The following NUAK2 variants were observed in gnomAD, a reference collection of about 807,000 sequenced individuals.
NUAK2 encodes the protein NUAK family SNF1-like kinase 2.
Under a neutral mutation model 29.8 loss-of-function variants are expected in NUAK2, and 20 were observed. That is an observed-to-expected ratio of 0.67 (90% CI 0.47 to 0.98). The LOEUF (loss-of-function observed/expected upper bound fraction) is 0.98. Among genes scored for constraint, NUAK2 ranks in the 50% least tolerant of loss-of-function variants. The probability of loss-of-function intolerance (pLI) is 0.00; values close to 1 mark genes in which losing one functional copy is unlikely to be tolerated. For synonymous variants in NUAK2, 331 were observed against 342.6 expected (o/e 0.97, Z 0.37); for missense variants, 719 against 834.5 (o/e 0.86, Z 1.71).
chr1:205,311,520 G>T (rs1662257219), intron 2 of NUAK2, among the ~76,000 whole-genome samples, 185 bp downstream of exon 2: 1 of 152,218 alleles, frequency 6.6e-6, no homozygotes. Flanking sequence ...GAGGCCCAGA[G>T]ACTAAATTCA....
rs1662123047 is a variant in NUAK2 at position 205,303,649 on chromosome 1, A to C, written c.1688T>G (p.Leu563Arg). ...SFDQLDLPERLPEPPLRGCVS... is the reference protein window; with the variant it reads ...SFDQLDLPERRPEPPLRGCVS... ...ACAGCCCCGCAGTGGGGGCTCTGGG[A>C]GCCGTTCAGGCAAGTCCAGCTGGTC... The change falls in exon 7 of 7, where the codon CTC (leucine) becomes CGC (arginine). Residue 563 changes from leucine to arginine, a missense_variant. Leu to Arg is a moderately radical substitution (Grantham distance 102, BLOSUM62 -2). Coordinates refer to ENST00000367157, the MANE Select transcript of NUAK2 (RefSeq NM_030952.3). 6.3e-7 allele frequency: 1 copy of C among 1,586,632 alleles called. No individual in the cohort carries two copies. Among genetic ancestry groups the C allele is most frequent in the Admixed American group, 1.8e-5 (1 of 55,318 alleles).
rs573822141 is a variant in NUAK2 at position 205,316,990 on chromosome 1, A to G, written c.231+4408T>C. ...AAGGATGGTGCCTGGAGAAGCTTCC[A>G]TCTCAGCCATAGAGATTTCCCTGCC... is the stretch of plus-strand genomic sequence containing the variant. On this transcript the variant is annotated intron_variant, in intron 1 of 6. Transcript: ENST00000367157. Among the ~76,000 whole-genome samples the G allele has an allele frequency of 1.1e-4, 17 of 152,304 alleles. No homozygotes were observed. The East Asian group carries it at 2.1e-3, about 19-fold the overall frequency.
intron 1 of NUAK2, among the ~76,000 whole-genome samples, chr1:205,317,643 C>G (rs1210795134): frequency 6.6e-6 from 1 of 152,202 alleles, no homozygotes; most frequent in East Asian, 1.9e-4. Context: ...GCCCAGCCTT[C>G]TTGTGTGGTT....
Position 205,311,729 on chromosome 1 carries a change from G to T in NUAK2, c.328C>A (p.Pro110Thr). Reference sequence around the variant, plus strand: ...CCTTCATGGATGGCAATGATGTGAGGGTGGTTGAGTGATGACATGATCTCA... The same window carrying T: ...CCTTCATGGATGGCAATGATGTGAGTGTGGTTGAGTGATGACATGATCTCA... ...EIEIMSSLNH[P>T]HIIAIHEVFE... The change falls in exon 2 of 7, where the codon CCT (proline) becomes ACT (threonine). Residue 110 changes from proline to threonine, a missense_variant. This residue lies in a region of NUAK2 where 283 missense variants were observed against 345.6 expected (regional missense o/e 0.82). Coordinates refer to ENST00000367157, the MANE Select transcript of NUAK2 (RefSeq NM_030952.3). 4 of 1,614,180 alleles carry T rather than the reference G, an allele frequency of 2.5e-6. No homozygotes were observed. Among genetic ancestry groups the T allele is most frequent in the Non-Finnish European group, 3.4e-6 (4 of 1,180,022 alleles).
intron 1 of NUAK2, among the ~76,000 whole-genome samples, chr1:205,312,203 C>A (rs148645750): frequency 2.6e-5 from 4 of 152,344 alleles, no homozygotes; most frequent in African/African-American, 2.4e-5. Context: ...CCACTGAATT[C>A]TTGATGCTGA....
Position 205,321,393 on chromosome 1 carries a change from C to T in NUAK2, c.231+5G>A. On this transcript the variant is annotated splice_donor_5th_base_variant and intron_variant, in intron 1 of 6. Coordinates refer to ENST00000367157, the MANE Select transcript of NUAK2 (RefSeq NM_030952.3). ...CCCCGCGCCGCGAGAGGGAGCCGCA[C>T]TCACCAGGCGCCCCGAGCTCTCCCG... 2 of 1,612,052 alleles carry T rather than the reference C, an allele frequency of 1.2e-6. No homozygotes were observed. Among genetic ancestry groups the T allele is most frequent in the Non-Finnish European group, 1.7e-6 (2 of 1,179,122 alleles).
At chr1:205,307,355 C>T (rs998181246) in intron 4 of NUAK2, among the ~76,000 whole-genome samples, 11 of 152,138 alleles carry the variant, frequency 7.2e-5, no homozygotes, top group South Asian at 2.1e-4. Flanking sequence ...CCTGATTATG[C>T]GGGTTTACTG....
chr1:205,306,167 C>G, intron 5 of NUAK2, 21 bp downstream of exon 5: 5 of 1,584,914 alleles, frequency 3.2e-6, no homozygotes, highest in Non-Finnish European at 4.3e-6. Flanking sequence ...GGCAGGCTGG[C>G]AGGGGAGGGT....
At chr1:205,316,008 A>G (rs1253983504) in intron 1 of NUAK2, among the ~76,000 whole-genome samples, 2 of 152,142 alleles carry the variant, frequency 1.3e-5, no homozygotes, top group African/African-American at 2.4e-5. Context: ...TGCCCCTTTT[A>G]CTCTCCAAAG....
chr1:205,312,141 A>T (rs1258709867), intron 1 of NUAK2, among the ~76,000 whole-genome samples: 1 of 152,250 alleles, frequency 6.6e-6, no homozygotes, highest in African/African-American at 2.4e-5. Flanking sequence ...TGAATTATAA[A>T]GCAAACGTGC....
intron 2 of NUAK2, 45 bp downstream of exon 2, chr1:205,311,660 C>G (rs1383366292): frequency 6.2e-7 from 1 of 1,610,676 alleles, no homozygotes; most frequent in Admixed American, 1.7e-5. Flanking sequence ...CACACACATG[C>G]ACACACATAG....
In NUAK2 at chr1:205,302,699, C is replaced by T. The variant is rs1662098359; in HGVS notation, c.*751G>A. 6.6e-6 allele frequency: 1 copy of T among 152,084 alleles called. No individual in the cohort carries two copies. The highest frequency in any genetic ancestry group is 2.4e-5 in the African/African-American group (1 of 41,374). The allele number at this position is 152,084 out of a possible 1,614,324, so 9.4% of individuals were successfully genotyped here. ...CTGAGGTCGGGAGTTTGAGACCAGCCTGACCAACATGGAGAAACCCTGTCT... is the reference window on the plus strand; with the variant it reads ...CTGAGGTCGGGAGTTTGAGACCAGCTTGACCAACATGGAGAAACCCTGTCT... On this transcript the variant is annotated 3_prime_UTR_variant, in exon 7 of 7. Coordinates refer to ENST00000367157, the MANE Select transcript of NUAK2 (RefSeq NM_030952.3).
intron 1 of NUAK2, among the ~76,000 whole-genome samples, chr1:205,317,425 G>A (rs1662344088): frequency 6.6e-6 from 1 of 152,210 alleles, no homozygotes; most frequent in Non-Finnish European, 1.5e-5. Flanking sequence ...TTAGATAACG[G>A]AGGAGAGGTT....
chr1:205,309,225 C>T (rs1289886893), intron 2 of NUAK2, among the ~76,000 whole-genome samples: 2 of 152,104 alleles, frequency 1.3e-5, no homozygotes, highest in African/African-American at 4.8e-5. Flanking sequence ...CCTCACAGGG[C>T]TGGGGTGAGA....
At position 205,311,734 on chromosome 1, in the gene NUAK2, T is replaced by A; in HGVS notation, c.323A>T (p.Asn108Ile). 1 of 1,614,192 alleles carries A rather than the reference T, an allele frequency of 6.2e-7. No homozygotes were observed. The highest frequency in any genetic ancestry group is 8.5e-7 in the Non-Finnish European group (1 of 1,180,028). Reference sequence around the variant, plus strand: ...ATGGATGGCAATGATGTGAGGGTGGTTGAGTGATGACATGATCTCAATCTC... The same window carrying A: ...ATGGATGGCAATGATGTGAGGGTGGATGAGTGATGACATGATCTCAATCTC... ...RREIEIMSSL[N>I]HPHIIAIHEV... Residue 108 changes from asparagine (N) to isoleucine (I), a missense_variant, in exon 2 of 7, where the codon AAC becomes ATC. Coordinates refer to ENST00000367157, the MANE Select transcript of NUAK2 (RefSeq NM_030952.3).
chr1:205,308,362 T>C lies in NUAK2; in HGVS notation c.505-132A>G. 1 of 794,964 alleles carries C rather than the reference T, an allele frequency of 1.3e-6. No homozygotes were observed. Among genetic ancestry groups the C allele is most frequent in the Non-Finnish European group, 2.0e-6 (1 of 491,900 alleles). 49.2% of individuals were successfully genotyped at this position (794,964 alleles called of 1,614,324 possible). A position where few individuals can be genotyped will look rare whatever the true frequency, so the allele number is the denominator to read the frequency against. ...AGCACAGGTAGGCTGGGAATGCCTA[T>C]CTTTATCGGTATGTGCTGCAAGAAA... is the stretch of plus-strand genomic sequence containing the variant. On this transcript the variant is annotated intron_variant, in intron 3 of 6. Coordinates refer to ENST00000367157, the MANE Select transcript of NUAK2 (RefSeq NM_030952.3). The surrounding 1 kb of genome is among the most constrained non-coding windows in gnomAD (Gnocchi z 4.1).
chr1:205,317,755 C>A (rs781431125), intron 1 of NUAK2, among the ~76,000 whole-genome samples: 2 of 152,202 alleles, frequency 1.3e-5, no homozygotes, highest in African/African-American at 2.4e-5. Context: ...CCAAGCAAGC[C>A]CTTGGCAGCC....
chr1:205,317,333 C>G (rs1420860622), intron 1 of NUAK2, among the ~76,000 whole-genome samples: 1 of 152,218 alleles, frequency 6.6e-6, no homozygotes, highest in Non-Finnish European at 1.5e-5. Flanking sequence ...AGAGCTGGAG[C>G]CAAGATCCTT....
At chr1:205,321,169 C>T (rs1662410806) in intron 1 of NUAK2, among the ~76,000 whole-genome samples, 1 of 152,236 alleles carries the variant, frequency 6.6e-6, no homozygotes, top group Non-Finnish European at 1.5e-5. Context: ...ATCATCACAG[C>T]AGTACGGTGT....
Sources: gnomAD v4.1 joint callset for allele counts (sites outside exome capture counted in the v4.1 genomes callset) on GRCh38, gnomAD v4.1.1 for gene constraint, gnomAD v4.1.1 regional missense constraint, Gnocchi (gnomAD v3.1) non-coding constraint, MANE v1.5 for transcripts, NCBI Gene and HGNC (gene_info 2026-07-23, HGNC 2026-07-21) for gene names.